Variants in DNAH12 observed in about 807,000 individuals in gnomAD.
DNAH12 encodes axonemal beta dynein heavy chain 12.
In DNAH12, 285 loss-of-function variants were observed where a neutral mutation model predicts 371.5. That is an observed-to-expected ratio of 0.77 (90% confidence interval 0.70 to 0.85). The LOEUF is 0.85. DNAH12 is among the 40% of genes least tolerant of loss of function. DNAH12 has a pLI of 0.00. For missense variants in DNAH12, 3,611 were observed against 3,689.4 expected (o/e 0.98, Z 0.55); for synonymous variants, 1,200 against 1,213.0 (o/e 0.99, Z 0.22).
intron 13 of DNAH12, among the ~76,000 whole-genome samples, chr3:57,473,441 G>T (rs1399857298): frequency 1.3e-5 from 2 of 151,690 alleles, no homozygotes; most frequent in African/African-American, 4.8e-5. Context: ...GGCCGAGATT[G>T]TGCCACTGCA....
chr3:57,379,842 C>CAA (rs1170490495), intron 51 of DNAH12, among the ~76,000 whole-genome samples: 2,180 of 22,358 alleles, frequency 0.098, 703 homozygotes, highest in East Asian at 0.45. Flanking sequence ...CTCTGTCTCC[C>CAA]AAAAAAAAAA....
intron 29 of DNAH12, among the ~76,000 whole-genome samples, chr3:57,440,590 GGGTGAT>G (rs1281364180): frequency 6.6e-6 from 1 of 152,188 alleles, no homozygotes; most frequent in Non-Finnish European, 1.5e-5. Context: ...CTCAGTACCT[GGGTGAT>G]GGTATCAATA....
chr3:57,455,991 A>AAAT (rs1228038968), intron 22 of DNAH12, among the ~76,000 whole-genome samples: 1 of 152,230 alleles, frequency 6.6e-6, no homozygotes, highest in Non-Finnish European at 1.5e-5. Flanking sequence ...ATTTTCAATA[A>AAAT]AATAACATCA....
At chr3:57,473,560 T>C (rs1470280896) in intron 13 of DNAH12, among the ~76,000 whole-genome samples, 2 of 151,952 alleles carry the variant, frequency 1.3e-5, no homozygotes, top group East Asian at 1.9e-4. Context: ...AGTAGATAGG[T>C]TGAATATTTT....
chr3:57,507,910 C>A, intron 7 of DNAH12, 72 bp from the exon 8 acceptor site: 1 of 1,365,650 alleles, frequency 7.3e-7, no homozygotes, highest in Middle Eastern at 2.6e-4. Flanking sequence ...ATTGTTGGGC[C>A]GGGCTCGGTG....
chr3:57,477,211 A>T (rs1014025943), intron 13 of DNAH12, among the ~76,000 whole-genome samples: 1 of 152,186 alleles, frequency 6.6e-6, no homozygotes, highest in Non-Finnish European at 1.5e-5. Flanking sequence ...CTGGAAAATC[A>T]GGTCACTCGC....
At chr3:57,522,491 A>C (rs1425913030) in intron 4 of DNAH12, among the ~76,000 whole-genome samples, 2 of 152,204 alleles carry the variant, frequency 1.3e-5, no homozygotes, top group Non-Finnish European at 2.9e-5. Flanking sequence ...ATACCTAGTA[A>C]AAAGAAAGAT....
At chr3:57,366,034 G>C (rs1194905649) in intron 57 of DNAH12, among the ~76,000 whole-genome samples, 5 of 152,094 alleles carry the variant, frequency 3.3e-5, no homozygotes, top group Admixed American at 2.0e-4. Context: ...AAACCTACTG[G>C]ATTGCATTCC....
rs1575418496 is a variant in DNAH12 at position 57,301,676 on chromosome 3, TTACACACACAC to T, written c.11394+48_11394+58del. On this transcript the variant is annotated intron_variant, in intron 70 of 73. Transcript: ENST00000495027. ...TATTTTACATATTTATACATGTATT[TTACACACACAC>T]ACACACACACACACACACACACACA... The T allele has an allele frequency of 3.5e-6, 5 of 1,423,350 alleles. No individual in the cohort carries two copies. The East Asian group carries it at 1.3e-4, about 37-fold the overall frequency. 88.2% of individuals were successfully genotyped at this position (1,423,350 alleles called of 1,614,324 possible). A position where few individuals can be genotyped will look rare whatever the true frequency, so the allele number is the denominator to read the frequency against.
chr3:57,390,424 A>AAAAAAAAAATATAT, intron 45 of DNAH12, among the ~76,000 whole-genome samples: 3 of 33,440 alleles, frequency 9.0e-5, no homozygotes, highest in Admixed American at 5.6e-4. Context: ...AAAAAAAAAA[A>AAAAAAAAAATATAT]ATATATATAT....
At chr3:57,297,203 A>G (rs1166875621) in intron 70 of DNAH12, 1 of 537,206 alleles carries the variant, frequency 1.9e-6, no homozygotes, top group Non-Finnish European at 3.3e-6. Flanking sequence ...ATTAACGTGA[A>G]TGAAACATAG....
rs1013690140 is a variant in DNAH12, at chr3:57,364,856, A to G, written c.9168-1070T>C. ...AGATATTTATGTGGCCAACAAACAT[A>G]TGAAAACAAGCTCAACATCACTGAT... On this transcript the variant is annotated intron_variant, in intron 57 of 73. Coordinates refer to ENST00000495027, the MANE Select transcript of DNAH12 (RefSeq NM_001366028.2). Among the ~76,000 whole-genome samples the G allele has an allele frequency of 2.0e-3, 307 of 152,388 alleles. 1 individual carries two copies. The highest frequency in any genetic ancestry group is 7.3e-3 in the African/African-American group (303 of 41,604).
chr3:57,429,332 A>G (rs1203831041), intron 33 of DNAH12, among the ~76,000 whole-genome samples: 2 of 151,896 alleles, frequency 1.3e-5, no homozygotes, highest in Non-Finnish European at 2.9e-5. Context: ...ATGCACCACC[A>G]TGCCTGGCTA....
intron 35 of DNAH12, among the ~76,000 whole-genome samples, chr3:57,423,351 TA>T (rs1226594548): frequency 2.0e-5 from 3 of 152,206 alleles, no homozygotes; most frequent in African/African-American, 7.2e-5. Context: ...GGAAGAAAGC[TA>T]AAACTTAGTT....
At chr3:57,394,439 G>A (rs2063695565) in intron 43 of DNAH12, 107 bp from the exon 44 acceptor site, 1 of 152,244 alleles carries the variant, frequency 6.6e-6, no homozygotes, top group East Asian at 1.9e-4. Flanking sequence ...TTTTAGGGCA[G>A]TACCTCTCCC....
intron 52 of DNAH12, among the ~76,000 whole-genome samples, chr3:57,377,563 A>C (rs1359696026): frequency 6.6e-6 from 1 of 152,146 alleles, no homozygotes; most frequent in Non-Finnish European, 1.5e-5. Flanking sequence ...AACATGAAAT[A>C]ATAAGTGTTT....
In DNAH12 at chr3:57,446,177, T is replaced by A. The variant is rs1468847194; in HGVS notation, c.4033A>T (p.Ile1345Phe). 5.2e-6 allele frequency: 8 copies of A among 1,551,678 alleles called. No individual in the cohort carries two copies. Among genetic ancestry groups the A allele is most frequent in the African/African-American group, 1.4e-5 (1 of 73,134 alleles). ...LEVLSVVAQQ[I>F]LCIQRAIQQK... ...TGAATAGCTCTCTGAATGCAAAGGA[T>A]CTGTTGAGCTACCACTGACAACACT... Residue 1345 changes from isoleucine (I) to phenylalanine (F), a missense_variant, in exon 27 of 74, where the codon ATC (isoleucine) becomes TTC (phenylalanine). By Grantham distance (21) the Ile-to-Phe change is conservative. Transcript: ENST00000495027.
At chr3:57,501,998 C>T (rs1368244967) in intron 10 of DNAH12, among the ~76,000 whole-genome samples, 1 of 152,020 alleles carries the variant, frequency 6.6e-6, no homozygotes, top group African/African-American at 2.4e-5. Flanking sequence ...GCTCCGCCTC[C>T]TGGGTTCACG....
intron 41 of DNAH12, 33 bp downstream of exon 41, chr3:57,405,620 T>G: frequency 6.5e-7 from 1 of 1,536,432 alleles, no homozygotes; most frequent in South Asian, 1.2e-5. Context: ...TGGTACTGCT[T>G]TAACTCAATA....
Sources: allele counts gnomAD v4.1 joint callset (sites outside exome capture counted in the v4.1 genomes callset), GRCh38; gene constraint gnomAD v4.1.1; transcripts MANE v1.5; gene names NCBI Gene and HGNC (gene_info 2026-07-23, HGNC 2026-07-21).